Variants in FER observed in about 807,000 individuals in gnomAD.
FER encodes tyrosine-protein kinase Fer.
FER carries 63 observed loss-of-function variants against 111.0 expected under a neutral mutation model. The ratio of observed to expected loss-of-function variants is 0.57; its 90% CI spans 0.46 to 0.70. The LOEUF is 0.70. Among genes scored for constraint, FER ranks in the 30% least tolerant of loss-of-function variants. The pLI, the probability that FER is intolerant of heterozygous loss-of-function variation, is 0.00. For synonymous variants in FER, 327 were observed against 313.9 expected, an observed-to-expected ratio of 1.04 and a Z score of -0.44; for missense variants, 914 against 954.0, an observed-to-expected ratio of 0.96 and a Z score of 0.55.
chr5:108,880,677 A>T (rs1391974407), intron 8 of FER, among the ~76,000 whole-genome samples: 1 of 152,060 alleles, frequency 6.6e-6, no homozygotes, highest in Non-Finnish European at 1.5e-5. Context: ...TTGTATCTCC[A>T]TGATATTCAA....
In FER at chr5:109,044,648, AC is replaced by A. The variant is rs747119605; in HGVS notation, c.1714-28del. 4.7e-4 allele frequency: 524 copies of A among 1,122,858 alleles called. 3 individuals carry two copies. Among genetic ancestry groups the A allele is most frequent in the Admixed American group, 1.2e-4 (5 of 41,984 alleles). The allele number at this position is 1,122,858 out of a possible 1,614,324, so 69.6% of individuals were successfully genotyped here. A position where few individuals can be genotyped will look rare whatever the true frequency, so the allele number is the denominator to read the frequency against. Reference sequence around the variant, plus strand: ...GGCAAAGATATACATGCTGTCATTTACCCCAGACAATGAATGTATTTCTATT... The same window carrying A: ...GGCAAAGATATACATGCTGTCATTTACCCAGACAATGAATGTATTTCTATT... On this transcript the variant is annotated intron_variant, in intron 14 of 19. Transcript: ENST00000281092.
intron 5 of FER, among the ~76,000 whole-genome samples, chr5:108,864,110 G>T (rs1049016408): frequency 1.3e-5 from 2 of 152,072 alleles, no homozygotes; most frequent in African/African-American, 4.8e-5. Context: ...TAAAAACTTG[G>T]ACAGTTATTA....
At position 108,966,505 on chromosome 5, in the gene FER, A is replaced by G. The variant is rs574524305; in HGVS notation, c.1656+7158A>G. On this transcript the variant is annotated intron_variant, in intron 13 of 19. Transcript: ENST00000281092. ...TGGGTTCAAGCAATTCTCCTGCCTC[A>G]GCCTCCTGAGTAGCTGGGATTACAG... is the stretch of plus-strand genomic sequence containing the variant. Among the ~76,000 whole-genome samples the G allele has an allele frequency of 4.0e-5, 6 of 149,974 alleles. No individual in the cohort carries two copies. In the South Asian group the frequency reaches 1.3e-3, roughly 31 times the overall value.
At chr5:108,928,135 C>T (rs559166011) in intron 10 of FER, among the ~76,000 whole-genome samples, 12 of 152,272 alleles carry the variant, frequency 7.9e-5, no homozygotes, top group Non-Finnish European at 1.3e-4. Flanking sequence ...GTAGTTTGTT[C>T]GTTCCTTTTT....
At chr5:108,913,956 A>G (rs1413025348) in intron 10 of FER, among the ~76,000 whole-genome samples, 1 of 152,214 alleles carries the variant, frequency 6.6e-6, no homozygotes, top group Non-Finnish European at 1.5e-5. Flanking sequence ...AAAGTAATCA[A>G]TGACATTCGA....
At chr5:109,104,798 A>C (rs968513188) in intron 17 of FER, among the ~76,000 whole-genome samples, 1 of 151,962 alleles carries the variant, frequency 6.6e-6, no homozygotes, top group African/African-American at 2.4e-5. Context: ...GCTGGAGTGC[A>C]GTGGCGCCAT....
At chr5:108,950,720 TTTATA>T (rs1757609970) in intron 11 of FER, among the ~76,000 whole-genome samples, 1 of 152,176 alleles carries the variant, frequency 6.6e-6, no homozygotes, top group South Asian at 2.1e-4. Flanking sequence ...TTGTTTTCAT[TTTATA>T]TTAAACATTT....
rs534844165 is a variant in FER at position 108,971,703 on chromosome 5, C to T, written c.1656+12356C>T. Among the ~76,000 whole-genome samples the T allele has an allele frequency of 3.3e-5, 5 of 152,100 alleles. No homozygotes were observed. The South Asian group carries it at 8.3e-4, about 25-fold the overall frequency. On this transcript the variant is annotated intron_variant, in intron 13 of 19. Transcript: ENST00000281092. ...AAGAACATTCTACATCAGCATTTTC[C>T]CCCTATTTTCAATTTTTCCTGAATA...
intron 10 of FER, among the ~76,000 whole-genome samples, chr5:108,929,576 A>G (rs544824374): frequency 6.6e-6 from 1 of 152,036 alleles, no homozygotes; most frequent in South Asian, 2.1e-4. Flanking sequence ...CTTTTAAGGA[A>G]TTGGGCTTAC....
chr5:108,869,510 A>T (rs1350241812), intron 6 of FER, among the ~76,000 whole-genome samples: 1 of 152,116 alleles, frequency 6.6e-6, no homozygotes, highest in Admixed American at 6.6e-5. Context: ...CTGGATTTAG[A>T]GTAGGCCCTA....
chr5:108,876,050 A>C (rs6594342), intron 8 of FER, among the ~76,000 whole-genome samples: 34,353 of 152,166 alleles, frequency 0.23, 4,072 homozygotes, highest in African/African-American at 0.28. Context: ...TAAATAGGAT[A>C]TCTCAATTGA....
intron 2 of FER, among the ~76,000 whole-genome samples, chr5:108,792,494 C>T (rs562709420): frequency 1.6e-3 from 237 of 152,062 alleles, no homozygotes; most frequent in African/African-American, 5.2e-3. Context: ...TGCGCCACCA[C>T]GCACGGCTAA....
chr5:108,882,894 G>A (rs560539151), intron 8 of FER, among the ~76,000 whole-genome samples: 1 of 151,572 alleles, frequency 6.6e-6, no homozygotes, highest in African/African-American at 2.4e-5. Context: ...TACTCCTAAA[G>A]TATTACTACA....
chr5:108,955,287 C>G (rs1482800929), intron 12 of FER, among the ~76,000 whole-genome samples: 2 of 151,446 alleles, frequency 1.3e-5, no homozygotes, highest in Non-Finnish European at 3.0e-5. Context: ...GAAACTTATA[C>G]TTTTGAAATT....
intron 17 of FER, among the ~76,000 whole-genome samples, chr5:109,148,041 T>C (rs990041490): frequency 4.6e-5 from 7 of 152,028 alleles, no homozygotes; most frequent in African/African-American, 1.4e-4. Context: ...TTTTTTTAAA[T>C]GTTGTACATA....
At chr5:108,861,041 A>G (rs992921614) in intron 5 of FER, among the ~76,000 whole-genome samples, 6 of 152,212 alleles carry the variant, frequency 3.9e-5, no homozygotes, top group Non-Finnish European at 8.8e-5. Context: ...CATGGGAATT[A>G]TAGGGATTAT....
chr5:109,161,107 C>A (rs1398700697), intron 17 of FER, among the ~76,000 whole-genome samples: 2 of 152,102 alleles, frequency 1.3e-5, no homozygotes, highest in Non-Finnish European at 2.9e-5. Context: ...GGAGCAATGG[C>A]TTAAAGTAAG....
intron 10 of FER, among the ~76,000 whole-genome samples, chr5:108,934,445 T>TA (rs894827708): frequency 2.0e-5 from 3 of 152,324 alleles, no homozygotes; most frequent in East Asian, 1.9e-4. Context: ...TTTTCACACT[T>TA]ATTTTTAATG....
chr5:108,896,181 C>G (rs1050572472), intron 9 of FER, among the ~76,000 whole-genome samples: 20 of 150,662 alleles, frequency 1.3e-4, no homozygotes, highest in African/African-American at 4.9e-4. Flanking sequence ...TTCTTGGTAG[C>G]TAGGAGATGC....
Sources: gnomAD v4.1 joint callset for allele counts (sites outside exome capture counted in the v4.1 genomes callset) on GRCh38, gnomAD v4.1.1 for gene constraint, MANE v1.5 for transcripts, NCBI Gene and HGNC (gene_info 2026-07-23, HGNC 2026-07-21) for gene names.